The following PTPN5 variants were observed in gnomAD, a reference collection of about 807,000 sequenced individuals.
PTPN5 encodes the protein protein tyrosine phosphatase non-receptor type 5, also known as tyrosine-protein phosphatase non-receptor type 5.
A neutral mutation model predicts 73.9 loss-of-function variants in PTPN5; 29 were observed. That is an observed-to-expected ratio of 0.39 (90% confidence interval 0.29 to 0.54). PTPN5 has a LOEUF of 0.54. Ranked by LOEUF, PTPN5 falls within the 20% of genes least tolerant of loss-of-function variation. The pLI, the probability that PTPN5 is intolerant of heterozygous loss-of-function variation, is 0.65. For missense variants in PTPN5, 652 were observed against 751.4 expected (o/e 0.87, Z 1.55); for synonymous variants, 267 against 304.7 (o/e 0.88, Z 1.29).
chr11:18,781,972 G>A (rs992749661), intron 1 of PTPN5, among the ~76,000 whole-genome samples: 2 of 152,196 alleles, frequency 1.3e-5, no homozygotes, highest in South Asian at 4.1e-4. Flanking sequence ...GCAAAGGCCC[G>A]GAGAGGTGAA....
chr11:18,758,734 G>C (rs1216102894), intron 3 of PTPN5, among the ~76,000 whole-genome samples: 1 of 151,660 alleles, frequency 6.6e-6, no homozygotes, highest in Non-Finnish European at 1.5e-5. Flanking sequence ...ATTTGTCCCT[G>C]AGCCAGACCA....
intron 2 of PTPN5, among the ~76,000 whole-genome samples, chr11:18,767,014 C>T (rs867600601): frequency 6.6e-6 from 1 of 152,234 alleles, no homozygotes; most frequent in East Asian, 1.9e-4. Flanking sequence ...ATATGCCCTT[C>T]AAGACCATAA....
At chr11:18,736,261 G>C (rs961400352) in intron 9 of PTPN5, among the ~76,000 whole-genome samples, 2 of 152,224 alleles carry the variant, frequency 1.3e-5, no homozygotes, top group African/African-American at 4.8e-5. Flanking sequence ...AACAGAGCAA[G>C]ACCTCCATCT....
intron 1 of PTPN5, among the ~76,000 whole-genome samples, chr11:18,773,764 G>A (rs1851019871): frequency 6.6e-6 from 1 of 152,148 alleles, no homozygotes; most frequent in Non-Finnish European, 1.5e-5. Context: ...TAGATTCTTG[G>A]CTTGGGAGGC....
intron 3 of PTPN5, among the ~76,000 whole-genome samples, chr11:18,762,897 T>C (rs913070570): frequency 6.6e-6 from 1 of 152,224 alleles, no homozygotes; most frequent in Non-Finnish European, 1.5e-5. Flanking sequence ...CACATAATAC[T>C]GTCCTGGGAG....
chr11:18,780,724 T>C (rs1188498743), intron 1 of PTPN5, among the ~76,000 whole-genome samples: 1 of 152,136 alleles, frequency 6.6e-6, no homozygotes, highest in Non-Finnish European at 1.5e-5. Flanking sequence ...CTCTTGTCCA[T>C]AACTTTGGCT....
intron 3 of PTPN5, among the ~76,000 whole-genome samples, chr11:18,746,192 T>TATATATATACAC (rs550537453): frequency 9.7e-6 from 1 of 102,820 alleles, no homozygotes; most frequent in Admixed American, 1.3e-4. Flanking sequence ...TATATATATA[T>TATATATATACAC]ACATTTTTTT....
chr11:18,761,391 C>T (rs1850383487), intron 3 of PTPN5, among the ~76,000 whole-genome samples: 1 of 152,104 alleles, frequency 6.6e-6, no homozygotes, highest in African/African-American at 2.4e-5. Context: ...AGCAGTGCCA[C>T]CTGGTGTCTT....
chr11:18,777,987 A>AAGGAAGG (rs1564929410), intron 1 of PTPN5, among the ~76,000 whole-genome samples: 15 of 113,382 alleles, frequency 1.3e-4, no homozygotes, highest in South Asian at 9.7e-4. Context: ...AGAAAGAAAG[A>AAGGAAGG]AAGAAAGGAA....
chr11:18,742,584 C>A lies in PTPN5; in HGVS notation c.484-81G>T. ...TCCTGGAGTGCCCATGGGATTGACGCCCCCCCACTCCCTCAGTGTGTCTAG... is the reference window on the plus strand; with the variant it reads ...TCCTGGAGTGCCCATGGGATTGACGACCCCCCACTCCCTCAGTGTGTCTAG... On this transcript the variant is annotated intron_variant, in intron 6 of 14. Transcript: ENST00000358540. This position sits in a 1 kb window ranked among gnomAD's most constrained non-coding sequence, Gnocchi z 4.1. The A allele has an allele frequency of 6.5e-7, 1 of 1,547,556 alleles. No individual in the cohort carries two copies. The highest frequency in any genetic ancestry group is 1.2e-5 in the South Asian group (1 of 82,206).
At chr11:18,735,977 G>C (rs961348322) in intron 9 of PTPN5, among the ~76,000 whole-genome samples, 1 of 152,200 alleles carries the variant, frequency 6.6e-6, no homozygotes, top group Non-Finnish European at 1.5e-5. Context: ...TCACAGGGCT[G>C]TCCAGCCTGG....
chr11:18,737,071 C>T (rs894664296), intron 9 of PTPN5, among the ~76,000 whole-genome samples: 7 of 152,188 alleles, frequency 4.6e-5, no homozygotes, highest in Admixed American at 1.3e-4. Context: ...TTAAAAGCCT[C>T]GCTACTCCAC....
intron 1 of PTPN5, among the ~76,000 whole-genome samples, chr11:18,775,926 T>C (rs1414604661): frequency 1.3e-5 from 2 of 152,202 alleles, no homozygotes; most frequent in Admixed American, 6.5e-5. Context: ...CCTGCAAGCA[T>C]GTCCGGCCTG....
intron 4 of PTPN5, 48 bp downstream of exon 4, chr11:18,743,958 T>C: frequency 1.3e-6 from 2 of 1,513,792 alleles, no homozygotes; most frequent in South Asian, 2.6e-5. Context: ...AGGCTGGCCC[T>C]CCACCCACCC....
At chr11:18,735,128 T>C (rs1849058870) in intron 9 of PTPN5, among the ~76,000 whole-genome samples, 1 of 152,206 alleles carries the variant, frequency 6.6e-6, no homozygotes, top group South Asian at 2.1e-4. Flanking sequence ...CAGTTGCTGT[T>C]ATTCCTGACA....
At chr11:18,771,888 T>G (rs764520360) in intron 2 of PTPN5, 51 bp downstream of exon 2, 1 of 1,535,078 alleles carries the variant, frequency 6.5e-7, no homozygotes, top group Admixed American at 1.7e-5. Flanking sequence ...GGAGAAGGCT[T>G]GGCCTCCTCA....
chr11:18,732,471 T>C (rs1848923742), intron 12 of PTPN5, 121 bp downstream of exon 12: 3 of 729,940 alleles, frequency 4.1e-6, no homozygotes. Flanking sequence ...TCAGAAAATC[T>C]GGGAGTGACA....
At chr11:18,765,784 A>T (rs984744896) in intron 3 of PTPN5, 23 bp downstream of exon 3, 1 of 1,511,464 alleles carries the variant, frequency 6.6e-7, no homozygotes, top group Non-Finnish European at 9.0e-7. Context: ...GTCTGGGAGG[A>T]GCTGGGTGCT....
At chr11:18,770,825 AC>A (rs149365912) in intron 2 of PTPN5, among the ~76,000 whole-genome samples, 1 of 152,234 alleles carries the variant, frequency 6.6e-6, no homozygotes, top group African/African-American at 2.4e-5. Context: ...AGCCTAGACC[AC>A]CCACCCCATT....
Sources: allele counts gnomAD v4.1 joint callset (sites outside exome capture counted in the v4.1 genomes callset), GRCh38; gene constraint gnomAD v4.1.1; non-coding constraint Gnocchi (gnomAD v3.1); transcripts MANE v1.5; gene names NCBI Gene and HGNC (gene_info 2026-07-23, HGNC 2026-07-21).